The following TMCC2 variants were observed in gnomAD, a reference collection of about 807,000 sequenced individuals.
TMCC2 encodes the protein transmembrane and coiled-coil domain family 2, also known as transmembrane and coiled-coil domains protein 2.
TMCC2 carries 16 observed loss-of-function variants against 49.4 expected under a neutral mutation model. The ratio of observed to expected loss-of-function variants is 0.32; its 90% CI spans 0.22 to 0.49. The LOEUF is 0.49. Among genes scored for constraint, TMCC2 ranks in the 20% least tolerant of loss-of-function variants. The pLI is 0.99. For missense variants in TMCC2, 762 were observed against 989.8 expected (o/e 0.77, Z 3.09); for synonymous variants, 397 against 434.1 (o/e 0.91, Z 1.06).
At chr1:205,238,678 C>G (rs184846072) in intron 1 of TMCC2, among the ~76,000 whole-genome samples, 1 of 152,284 alleles carries the variant, frequency 6.6e-6, no homozygotes, top group African/African-American at 2.4e-5. Flanking sequence ...GCCTCTGATA[C>G]TATTCTGGGA....
At chr1:205,245,824 TCTTA>T (rs1660431235) in intron 2 of TMCC2, among the ~76,000 whole-genome samples, 1 of 145,952 alleles carries the variant, frequency 6.9e-6, no homozygotes, top group Admixed American at 7.0e-5. Context: ...TTTGAGAGAG[TCTTA>T]CTTTGTCATC....
At chr1:205,238,317 G>A (rs1055200732) in intron 1 of TMCC2, among the ~76,000 whole-genome samples, 4 of 151,922 alleles carry the variant, frequency 2.6e-5, no homozygotes, top group African/African-American at 4.8e-5. Context: ...ATGCAGAAGC[G>A]GCCCAGCCCT....
chr1:205,265,383 G>C (rs957840783), intron 2 of TMCC2, among the ~76,000 whole-genome samples: 1 of 152,206 alleles, frequency 6.6e-6, no homozygotes, highest in Non-Finnish European at 1.5e-5. Flanking sequence ...GGCAGGTGGA[G>C]ACTTTGCTAT....
chr1:205,228,053 T>A lies in TMCC2; in HGVS notation c.-512T>A, dbSNP rs1659642893. The A allele has an allele frequency of 6.8e-6, 1 of 146,664 alleles. No homozygotes were observed. The highest frequency in any genetic ancestry group is 2.1e-4 in the South Asian group (1 of 4,846). 9.1% of individuals were successfully genotyped at this position (146,664 alleles called of 1,614,324 possible). A position where few individuals can be genotyped will look rare whatever the true frequency, so the allele number is the denominator to read the frequency against. ...GGAGGGGGCCGGGCGCGCTGCGGGC[T>A]CCGCGGCCGGACCATGCGGGGCAGG... On this transcript the variant is annotated 5_prime_UTR_variant, in exon 1 of 5. Coordinates refer to ENST00000358024, the MANE Select transcript of TMCC2 (RefSeq NM_014858.4).
chr1:205,245,722 A>C (rs1296316252), intron 2 of TMCC2, among the ~76,000 whole-genome samples: 1 of 152,142 alleles, frequency 6.6e-6, no homozygotes, highest in Non-Finnish European at 1.5e-5. Flanking sequence ...TAACGTAGAA[A>C]GTGCTTTTGT....
chr1:205,250,958 C>T (rs995076268), intron 2 of TMCC2, among the ~76,000 whole-genome samples: 2 of 152,160 alleles, frequency 1.3e-5, no homozygotes, highest in African/African-American at 4.8e-5. Flanking sequence ...CTACCCAGCA[C>T]GTTCTTCCCT....
At position 205,272,151 on chromosome 1, in the gene TMCC2, C is replaced by T. The variant is rs1238962542; in HGVS notation, c.*27C>T. The T allele has an allele frequency of 6.2e-6, 10 of 1,600,194 alleles. No individual in the cohort carries two copies. The highest frequency in any genetic ancestry group is 4.3e-6 in the Non-Finnish European group (5 of 1,169,458). ...TGGCCAGCCACACCAACCCTGTGCT[C>T]TCTGGCCCCCAGCTGGCCACACTTC... On this transcript the variant is annotated 3_prime_UTR_variant, in exon 5 of 5. Transcript: ENST00000358024.
At chr1:205,252,650 TCAC>T (rs1236415435) in intron 2 of TMCC2, among the ~76,000 whole-genome samples, 3 of 152,232 alleles carry the variant, frequency 2.0e-5, no homozygotes, top group African/African-American at 7.2e-5. Flanking sequence ...AGAGGAGTCC[TCAC>T]TGGCAGATTT....
chr1:205,231,888 G>C (rs943129096), intron 1 of TMCC2, among the ~76,000 whole-genome samples: 5 of 152,094 alleles, frequency 3.3e-5, no homozygotes, highest in African/African-American at 4.8e-5. Context: ...ACAGCTCCAG[G>C]CACTGTGATG....
chr1:205,239,703 G>A (rs1483673196), intron 1 of TMCC2, among the ~76,000 whole-genome samples: 3 of 152,154 alleles, frequency 2.0e-5, no homozygotes, highest in Non-Finnish European at 4.4e-5. Context: ...AATTTATCTG[G>A]TCTGTAAAAT....
chr1:205,244,258 A>C (rs1250534837), intron 2 of TMCC2, among the ~76,000 whole-genome samples: 1 of 152,056 alleles, frequency 6.6e-6, no homozygotes, highest in East Asian at 1.9e-4. Context: ...CTGGCTGGAG[A>C]GGTCCCTATT....
chr1:205,266,862 G>A (rs1668873), intron 2 of TMCC2, among the ~76,000 whole-genome samples: 40,689 of 152,160 alleles, frequency 0.27, 6,484 homozygotes, highest in Non-Finnish European at 0.36. Context: ...GTGATTACCC[G>A]CTTTTTGTCG....
chr1:205,270,398 C>G (rs1353827470), intron 3 of TMCC2, among the ~76,000 whole-genome samples: 1 of 152,166 alleles, frequency 6.6e-6, no homozygotes, highest in African/African-American at 2.4e-5. Flanking sequence ...AACCTCCAGT[C>G]GGAGCTCCTG....
chr1:205,246,732 T>A, intron 2 of TMCC2: 1 of 1,541,916 alleles, frequency 6.5e-7, no homozygotes, highest in Non-Finnish European at 8.8e-7. Context: ...ATTAGAAAAA[T>A]CCTGTCAAGC....
chr1:205,256,380 C>A (rs1433290250), intron 2 of TMCC2: 1 of 1,551,078 alleles, frequency 6.4e-7, no homozygotes, highest in South Asian at 1.2e-5. Flanking sequence ...TTCCTGCTGG[C>A]ACTGTCAAGA....
intron 1 of TMCC2, among the ~76,000 whole-genome samples, chr1:205,233,084 A>G (rs1659874327): frequency 6.7e-6 from 1 of 150,160 alleles, no homozygotes; most frequent in Non-Finnish European, 1.5e-5. Context: ...TTCTATCCTG[A>G]TATGTGATGG....
Position 205,229,545 on chromosome 1 carries a change from C to G in TMCC2, c.207+774C>G, listed in dbSNP as rs1014781551. On this transcript the variant is annotated intron_variant, in intron 1 of 4. Transcript: ENST00000358024. ...CTCAGTTTGCCGATCTGTGAAGGGG[C>G]GGGGGGGGGGGGGTGGTGGCGGGGG... 5.8e-4 allele frequency: 173 copies of G among 298,746 alleles called. No individual in the cohort carries two copies. The Admixed American group carries it at 9.4e-3, about 16-fold the overall frequency. The allele number at this position is 298,746 out of a possible 1,614,324, so 18.5% of individuals were successfully genotyped here.
chr1:205,228,322 G>T lies in TMCC2; in HGVS notation c.-243G>T. The T allele has an allele frequency of 2.4e-6, 1 of 422,354 alleles. No homozygotes were observed. Among genetic ancestry groups the T allele is most frequent in the Non-Finnish European group, 4.3e-6 (1 of 232,288 alleles). The allele number at this position is 422,354 out of a possible 1,614,324, so 26.2% of individuals were successfully genotyped here. Reference sequence around the variant, plus strand: ...ACTCTTGCTGCCCAGCCTCGACTGTGACCTGTCTTCGCTCCCCAGGTCGAA... The same window carrying T: ...ACTCTTGCTGCCCAGCCTCGACTGTTACCTGTCTTCGCTCCCCAGGTCGAA... On this transcript the variant is annotated 5_prime_UTR_variant, in exon 1 of 5. Transcript: ENST00000358024.
In TMCC2 at chr1:205,242,056, C is replaced by T; in HGVS notation, c.747+12C>T. 1 of 1,559,672 alleles carries T rather than the reference C, an allele frequency of 6.4e-7. No homozygotes were observed. The highest frequency in any genetic ancestry group is 8.7e-7 in the Non-Finnish European group (1 of 1,152,316). On this transcript the variant is annotated intron_variant, in intron 2 of 4. Coordinates refer to ENST00000358024, the MANE Select transcript of TMCC2 (RefSeq NM_014858.4). ...GCATCGGGGACAAGGTGAGATGGGC[C>T]TTCTGGGGCAGGGGGAGACTCAGAG... is the stretch of plus-strand genomic sequence containing the variant.
Sources: gnomAD v4.1 joint callset for allele counts (sites outside exome capture counted in the v4.1 genomes callset) on GRCh38, gnomAD v4.1.1 for gene constraint, MANE v1.5 for transcripts, NCBI Gene and HGNC (gene_info 2026-07-23, HGNC 2026-07-21) for gene names.